Variants in CFAP77 observed in about 807,000 individuals in gnomAD.
CFAP77 encodes the protein cilia and flagella associated protein 77, also known as cilia- and flagella-associated protein 77.
A neutral mutation model predicts 31.1 loss-of-function variants in CFAP77; 25 were observed. The observed-to-expected ratio is 0.80, with a 90% CI of 0.59 to 1.12. CFAP77 has a LOEUF of 1.12. Among genes scored for constraint, CFAP77 ranks in the 50% most tolerant of loss-of-function variants. CFAP77 has a pLI of 0.00. For synonymous variants in CFAP77, 151 were observed against 159.9 expected, an observed-to-expected ratio of 0.94 and a Z score of 0.42; for missense variants, 377 against 397.3, an observed-to-expected ratio of 0.95 and a Z score of 0.44.
chr9:132,559,260 G>GCATGAAC (rs1852954606), intron 5 of CFAP77, among the ~76,000 whole-genome samples: 1 of 147,716 alleles, frequency 6.8e-6, no homozygotes, highest in South Asian at 2.1e-4. Flanking sequence ...CAGAAGAATG[G>GCATGAAC]CATGAACCCG....
At chr9:132,569,981 C>T (rs948475255) in intron 5 of CFAP77, among the ~76,000 whole-genome samples, 1 of 152,090 alleles carries the variant, frequency 6.6e-6, no homozygotes, top group Non-Finnish European at 1.5e-5. Context: ...GATCCGCCCA[C>T]CTTGGCCTCC....
intron 1 of CFAP77, among the ~76,000 whole-genome samples, chr9:132,462,878 T>TTA (rs1174040520): frequency 1.3e-5 from 2 of 152,096 alleles, no homozygotes; most frequent in Non-Finnish European, 2.9e-5. Flanking sequence ...GTATGTAAGT[T>TTA]TATATATATT....
At chr9:132,536,504 C>T (rs1852547238) in intron 3 of CFAP77, among the ~76,000 whole-genome samples, 1 of 151,570 alleles carries the variant, frequency 6.6e-6, no homozygotes, top group South Asian at 2.1e-4. Context: ...AGCAATTCTC[C>T]TGTCTCAGCC....
At chr9:132,438,542 T>TATATATATATATATATATGTA (rs1491134869) in intron 1 of CFAP77, among the ~76,000 whole-genome samples, 1 of 81,974 alleles carries the variant, frequency 1.2e-5, no homozygotes, top group African/African-American at 5.2e-5. Flanking sequence ...TATATATATA[T>TATATATATATATATATATGTA]TTTTTTTTTT....
rs1264431673 is a variant in CFAP77, at chr9:132,573,235, C to G, written c.*725C>G. On this transcript the variant is annotated 3_prime_UTR_variant, in exon 6 of 6. Coordinates refer to ENST00000393216, the MANE Select transcript of CFAP77 (RefSeq NM_001282957.2). ...AGCCGAATTCCTGGACACTTCCTCACTCGGTCTTTCCGTGTGTTCTTTGGA... is the reference window on the plus strand; with the variant it reads ...AGCCGAATTCCTGGACACTTCCTCAGTCGGTCTTTCCGTGTGTTCTTTGGA... 1.3e-5 allele frequency: 2 copies of G among 152,240 alleles called. No individual in the cohort carries two copies. The highest frequency in any genetic ancestry group is 4.8e-5 in the African/African-American group (2 of 41,456). The allele number at this position is 152,240 out of a possible 1,614,324, so 9.4% of individuals were successfully genotyped here. A position where few individuals can be genotyped will look rare whatever the true frequency, so the allele number is the denominator to read the frequency against.
chr9:132,439,569 G>A (rs374709128), intron 1 of CFAP77, among the ~76,000 whole-genome samples: 15 of 152,212 alleles, frequency 9.9e-5, no homozygotes, highest in South Asian at 8.3e-4. Context: ...TAATCTGGCC[G>A]GGAGTGGTGG....
At chr9:132,541,704 C>G (rs1589916461) in intron 4 of CFAP77, among the ~76,000 whole-genome samples, 1 of 152,086 alleles carries the variant, frequency 6.6e-6, no homozygotes. Flanking sequence ...CACTCCGTCT[C>G]AAAACAACAA....
intron 3 of CFAP77, among the ~76,000 whole-genome samples, chr9:132,514,727 G>A (rs751376969): frequency 1.4e-4 from 22 of 152,194 alleles, no homozygotes; most frequent in Non-Finnish European, 3.1e-4. Flanking sequence ...GCCTCCCGGC[G>A]TCATTAGCTT....
Position 132,463,642 on chromosome 9 carries a change from A to C in CFAP77, c.196-35053A>C, listed in dbSNP as rs914641106. Among the ~76,000 whole-genome samples the C allele has an allele frequency of 7.9e-5, 12 of 152,262 alleles. No individual in the cohort carries two copies. The East Asian group carries it at 2.1e-3, about 27-fold the overall frequency. ...AGGGGTCACCGGGCTAATGACGCTA[A>C]GGGGGAGGGGATGCTGCCTTACCTG... On this transcript the variant is annotated intron_variant, in intron 1 of 5. Transcript: ENST00000393216.
intron 3 of CFAP77, among the ~76,000 whole-genome samples, chr9:132,534,384 G>A (rs1037684476): frequency 3.9e-5 from 6 of 152,030 alleles, no homozygotes; most frequent in African/African-American, 4.8e-5. Context: ...AGGCTGAGGC[G>A]GGTGGATCAC....
At chr9:132,472,263 A>G (rs75861377) in intron 1 of CFAP77, among the ~76,000 whole-genome samples, 2,874 of 152,326 alleles carry the variant, frequency 0.019, 111 homozygotes, top group African/African-American at 0.066. Context: ...TGTGTTGAGT[A>G]CTGGCACTCA....
chr9:132,558,463 G>GCA (rs1463991139), intron 5 of CFAP77, among the ~76,000 whole-genome samples: 2 of 152,164 alleles, frequency 1.3e-5, no homozygotes, highest in Non-Finnish European at 2.9e-5. Context: ...CCAGCACTTT[G>GCA]GGAGGCAGAG....
rs370256043 is a variant in CFAP77, at chr9:132,443,140, T to C, written c.195+32674T>C. On this transcript the variant is annotated intron_variant, in intron 1 of 5. Transcript: ENST00000393216. ...GTCGCAGCAAGTATCAGTACGTCAT[T>C]CCTTTTAATGGCTAAATAATACTCA... 2.6e-5 allele frequency among the ~76,000 whole-genome samples: 4 copies of C among 152,318 alleles called. No individual in the cohort carries two copies. In the South Asian group the frequency reaches 8.3e-4, roughly 32 times the overall value.
At chr9:132,536,521 C>G (rs1182295490) in intron 3 of CFAP77, among the ~76,000 whole-genome samples, 1 of 151,276 alleles carries the variant, frequency 6.6e-6, no homozygotes, top group Non-Finnish European at 1.5e-5. Flanking sequence ...AGCCTCCCTA[C>G]TAGTTGGGAT....
chr9:132,410,525 CG>C, intron 1 of CFAP77, 59 bp downstream of exon 1: 2 of 1,425,696 alleles, frequency 1.4e-6, no homozygotes, highest in Non-Finnish European at 1.9e-6. Context: ...CCTGCGCCGC[CG>C]GGGGTCCCCA....
intron 5 of CFAP77, among the ~76,000 whole-genome samples, chr9:132,551,993 T>C (rs1852830064): frequency 1.3e-5 from 2 of 152,230 alleles, no homozygotes; most frequent in Admixed American, 1.3e-4. Flanking sequence ...CAAAAGCCTC[T>C]AGACCTTGAT....
intron 1 of CFAP77, among the ~76,000 whole-genome samples, chr9:132,492,399 C>T (rs797009303): frequency 1.4e-4 from 21 of 152,222 alleles, no homozygotes; most frequent in African/African-American, 3.6e-4. Context: ...TTGTGTGGGG[C>T]GGAGAAGGCC....
intron 1 of CFAP77, among the ~76,000 whole-genome samples, chr9:132,439,736 C>T (rs1326585575): frequency 3.3e-5 from 5 of 151,460 alleles, no homozygotes; most frequent in African/African-American, 1.2e-4. Context: ...GTAGTCCCAG[C>T]TACTGGGAAG....
rs930432044 is a variant in CFAP77, at chr9:132,517,673, G to C, written c.524+18073G>C. 1.3e-5 allele frequency among the ~76,000 whole-genome samples: 2 copies of C among 152,222 alleles called. No homozygotes were observed. Among genetic ancestry groups the C allele is most frequent in the African/African-American group, 4.8e-5 (2 of 41,444 alleles). ...TAATGAGCAGCGAAGATGAAGATGG[G>C]TTGCCATGAAAGGGCCCCTCTAATC... is the stretch of plus-strand genomic sequence containing the variant. On this transcript the variant is annotated intron_variant, in intron 3 of 5. Coordinates refer to ENST00000393216, the MANE Select transcript of CFAP77 (RefSeq NM_001282957.2). The surrounding 1 kb of genome is among the most constrained non-coding windows in gnomAD (Gnocchi z 4.7).
Sources: allele counts gnomAD v4.1 joint callset (sites outside exome capture counted in the v4.1 genomes callset), GRCh38; gene constraint gnomAD v4.1.1; non-coding constraint Gnocchi (gnomAD v3.1); transcripts MANE v1.5; gene names NCBI Gene and HGNC (gene_info 2026-07-23, HGNC 2026-07-21).